Variants in CD34 observed in about 807,000 individuals in gnomAD.
CD34 encodes hematopoietic progenitor cell antigen CD34.
In CD34, 34 loss-of-function variants were observed where a neutral mutation model predicts 40.1. The ratio of observed to expected loss-of-function variants is 0.85; its 90% CI spans 0.65 to 1.13. The LOEUF is 1.13. CD34 is among the 50% of genes most tolerant of loss of function. CD34 has a pLI of 0.00. For synonymous variants in CD34, 209 were observed against 190.0 expected (o/e 1.10, Z -0.82); for missense variants, 426 against 466.9 (o/e 0.91, Z 0.81).
chr1:207,910,885 G>T, intron 1 of CD34, 117 bp downstream of exon 1: 2 of 1,029,294 alleles, frequency 1.9e-6, no homozygotes, highest in South Asian at 1.4e-5. Flanking sequence ...GGCAGTGCGT[G>T]GGTTGGGCAG....
At chr1:207,901,644 C>T (rs977723040) in intron 1 of CD34, among the ~76,000 whole-genome samples, 42 of 152,352 alleles carry the variant, frequency 2.8e-4, no homozygotes, top group African/African-American at 9.6e-4. Flanking sequence ...CAAATTGAAA[C>T]TTGGCCTTCC....
rs1274811152 is a variant in CD34 at position 207,899,916 on chromosome 1, A to G, written c.167T>C (p.Val56Ala). The change falls in exon 2 of 8, where the codon GTA (valine) becomes GCA (alanine). Residue 56 changes from valine to alanine, a missense_variant. Val to Ala is a moderately conservative substitution (Grantham distance 64). Coordinates refer to ENST00000310833, the MANE Select transcript of CD34 (RefSeq NM_001025109.2). ...QGTFSNVSTN[V>A]SYQETTTPST... ...AGGTGTTGTAGTTTCTTGGTAGGAT[A>G]CATTTGTAGAAACATTTGAAAATGT... The G allele has an allele frequency of 6.2e-7, 1 of 1,614,044 alleles. No homozygotes were observed. The highest frequency in any genetic ancestry group is 2.2e-5 in the East Asian group (1 of 44,880).
At chr1:207,899,785 C>A in intron 2 of CD34, 36 bp downstream of exon 2, 1 of 1,569,578 alleles carries the variant, frequency 6.4e-7, no homozygotes, top group South Asian at 1.2e-5. Context: ...GCATCACCAG[C>A]ATCTCTCCGG....
At position 207,898,953 on chromosome 1, in the gene CD34, T is replaced by G; in HGVS notation, c.516+20A>C. 6.2e-7 allele frequency: 1 copy of G among 1,613,120 alleles called. No homozygotes were observed. Among genetic ancestry groups the G allele is most frequent in the African/African-American group, 1.3e-5 (1 of 74,996 alleles). ...TATGAAGTGAGGGGCAATCTGCCAT[T>G]TTTGGCCCAATTCACCCACCTTGAT... On this transcript the variant is annotated intron_variant, in intron 3 of 7. Transcript: ENST00000310833.
In CD34 at chr1:207,887,921, G is replaced by C. The variant is rs546056381; in HGVS notation, c.975C>G (p.Gly325=). The change falls in exon 8 of 8, where the codon GGC becomes GGG. Residue 325 remains glycine (G), a splice_region_variant and synonymous_variant. Coordinates refer to ENST00000310833, the MANE Select transcript of CD34 (RefSeq NM_001025109.2). The part of the protein sequence containing the change: ...RSWSPTGERL[G]EDPYYTENGG... Reference sequence around the variant, plus strand: ...CGTTTTCCGTGTAATAAGGGTCTTCGCCCTAGACAGTGTATAAATAAAGTA... The same window carrying C: ...CGTTTTCCGTGTAATAAGGGTCTTCCCCCTAGACAGTGTATAAATAAAGTA... The C allele has an allele frequency of 6.2e-7, 1 of 1,611,224 alleles. No individual in the cohort carries two copies. The highest frequency in any genetic ancestry group is 8.5e-7 in the Non-Finnish European group (1 of 1,178,900).
In CD34 at chr1:207,900,996, C is replaced by CTTT. The variant is rs34109724; in HGVS notation, c.80-996_80-994dup. ...TCTTCTGTATATCCTGGGATACATA[C>CTTT]TTTTTTTTTTTTTTTTTTAAGACAG... On this transcript the variant is annotated intron_variant, in intron 1 of 7. Transcript: ENST00000310833. 4.4e-3 allele frequency among the ~76,000 whole-genome samples: 598 copies of CTTT among 134,718 alleles called. 14 individuals are homozygous for CTTT. Among genetic ancestry groups the CTTT allele is most frequent in the East Asian group, 0.015 (67 of 4,616 alleles). 88.4% of individuals were successfully genotyped at this position (134,718 alleles called of 152,430 possible).
At chr1:207,909,126 A>G (rs1218201579) in intron 1 of CD34, among the ~76,000 whole-genome samples, 2 of 152,214 alleles carry the variant, frequency 1.3e-5, no homozygotes, top group Non-Finnish European at 2.9e-5. Flanking sequence ...TAGTCTGGCA[A>G]GGCTGGGAAT....
Position 207,888,848 on chromosome 1 carries a change from T to C in CD34, c.808-2A>G, listed in dbSNP as rs998761788. On this transcript the variant is annotated splice_acceptor_variant, in intron 6 of 7. Transcript: ENST00000310833. LOFTEE classifies it high-confidence loss of function. The stretch of plus-strand genomic sequence containing the variant: ...CTCAGTGAAATCTAGGATCCCCAGC[T>C]TGAAAAGAAGACAAAGAAGATACAG... 6.2e-7 allele frequency: 1 copy of C among 1,613,792 alleles called. No individual in the cohort carries two copies. The highest frequency in any genetic ancestry group is 1.3e-5 in the African/African-American group (1 of 74,892).
intron 1 of CD34, among the ~76,000 whole-genome samples, chr1:207,904,962 G>A (rs1204977129): frequency 1.3e-5 from 2 of 152,134 alleles, no homozygotes; most frequent in Non-Finnish European, 2.9e-5. Flanking sequence ...TTAAATTGGG[G>A]AGTGTTCATG....
Position 207,887,453 on chromosome 1 carries a change from A to C in CD34, c.*285T>G. 1 of 403,844 alleles carries C rather than the reference A, an allele frequency of 2.5e-6. No homozygotes were observed. The highest frequency in any genetic ancestry group is 4.5e-6 in the Non-Finnish European group (1 of 222,692). The allele number at this position is 403,844 out of a possible 1,614,324, so 25.0% of individuals were successfully genotyped here. On this transcript the variant is annotated 3_prime_UTR_variant, in exon 8 of 8. Transcript: ENST00000310833. ...AAGGGGGTCCTGTGTGAGTGCTGCA[A>C]GGCCATCGATTGTTCCTGGGAGCTT...
chr1:207,887,917 C>G lies in CD34; in HGVS notation c.979G>C (p.Asp327His). 1.2e-6 allele frequency: 2 copies of G among 1,613,230 alleles called. No individual in the cohort carries two copies. Among genetic ancestry groups the G allele is most frequent in the Non-Finnish European group, 1.7e-6 (2 of 1,179,860 alleles). Residue 327 changes from aspartate (D) to histidine (H), a missense_variant, in exon 8 of 8, where the codon GAC becomes CAC. Transcript: ENST00000310833. ...CCACCGTTTTCCGTGTAATAAGGGT[C>G]TTCGCCCTAGACAGTGTATAAATAA... is the stretch of plus-strand genomic sequence containing the variant. ...WSPTGERLGE[D>H]PYYTENGGGQ...
Position 207,911,050 on chromosome 1 carries a change from G to A in CD34, c.31C>T (p.Pro11Ser). MLVRRGARAG[P>S]RMPRGWTALC... ...GCGGTCCAGCCCCGCGGCATCCTGG[G>A]CCCTGCGCGCGCGCCCCTGCGGACC... Residue 11 changes from proline to serine, a missense_variant, in exon 1 of 8, where the codon CCC (proline) becomes TCC (serine). Coordinates refer to ENST00000310833, the MANE Select transcript of CD34 (RefSeq NM_001025109.2). 6.3e-7 allele frequency: 1 copy of A among 1,592,610 alleles called. No individual in the cohort carries two copies. The highest frequency in any genetic ancestry group is 1.3e-5 in the African/African-American group (1 of 74,800).
chr1:207,897,195 AC>A (rs1662167854), intron 4 of CD34, among the ~76,000 whole-genome samples: 1 of 152,224 alleles, frequency 6.6e-6, no homozygotes, highest in South Asian at 2.1e-4. Flanking sequence ...ATTTAAAAGT[AC>A]TACAGAGGAG....
intron 4 of CD34, 139 bp from the exon 5 acceptor site, chr1:207,889,760 A>AG: frequency 6.3e-7 from 1 of 1,587,382 alleles, no homozygotes; most frequent in Non-Finnish European, 8.5e-7. Flanking sequence ...CAACAGAAAA[A>AG]AAAAAAACTG....
rs370699088 is a variant in CD34 at position 207,887,868 on chromosome 1, G to T, written c.1028C>A (p.Pro343His). 1.4e-5 allele frequency: 22 copies of T among 1,614,162 alleles called. No homozygotes were observed. The highest frequency in any genetic ancestry group is 3.3e-5 in the Admixed American group (2 of 60,026). Reference sequence around the variant, plus strand: ...TCCCTGAGCCTCAGGGGAGGTCCCAGGTCCTGAGCTATAGCCCTGGCCTCC... The same window carrying T: ...TCCCTGAGCCTCAGGGGAGGTCCCATGTCCTGAGCTATAGCCCTGGCCTCC... ...NGGGQGYSSG[P>H]GTSPEAQGKA... Residue 343 changes from proline to histidine, a missense_variant, in exon 8 of 8, where the codon CCT becomes CAT. Physicochemically the swap from Pro to His is moderately conservative, Grantham distance 77. Coordinates refer to ENST00000310833, the MANE Select transcript of CD34 (RefSeq NM_001025109.2).
intron 1 of CD34, among the ~76,000 whole-genome samples, chr1:207,910,572 C>G (rs952315790): frequency 3.9e-5 from 6 of 152,174 alleles, no homozygotes; most frequent in Admixed American, 3.9e-4. Context: ...GCACACCGGC[C>G]CCTTCCCAGC....
chr1:207,903,791 G>A (rs555248382), intron 1 of CD34, among the ~76,000 whole-genome samples: 39 of 152,306 alleles, frequency 2.6e-4, no homozygotes, highest in African/African-American at 8.9e-4. Flanking sequence ...AAATAATAAG[G>A]AGAAGCAACA....
At chr1:207,896,494 T>C (rs776801099) in intron 4 of CD34, among the ~76,000 whole-genome samples, 2 of 152,182 alleles carry the variant, frequency 1.3e-5, no homozygotes, top group Non-Finnish European at 2.9e-5. Flanking sequence ...CTAGAATCAA[T>C]AGGCAAATTC....
chr1:207,888,105 C>G, intron 7 of CD34, 182 bp from the exon 8 acceptor site: 1 of 1,613,946 alleles, frequency 6.2e-7, no homozygotes, highest in Non-Finnish European at 8.5e-7. Context: ...GAAGAGTGGT[C>G]AGGGTTCCAG....
Sources: gnomAD v4.1 joint callset for allele counts (sites outside exome capture counted in the v4.1 genomes callset) on GRCh38, gnomAD v4.1.1 for gene constraint, MANE v1.5 for transcripts, NCBI Gene and HGNC (gene_info 2026-07-23, HGNC 2026-07-21) for gene names.